PAK1: variants seen among roughly 807,000 people sequenced by gnomAD.
PAK1 encodes p21 (RAC1) activated kinase 1.
Under a neutral mutation model 67.4 loss-of-function variants are expected in PAK1, and 29 were observed. That is an observed-to-expected ratio of 0.43 (90% CI 0.32 to 0.59). The LOEUF (loss-of-function observed/expected upper bound fraction) is 0.59. Ranked by LOEUF, PAK1 falls within the 20% of genes least tolerant of loss-of-function variation. The probability of loss-of-function intolerance (pLI) is 0.07; values close to 1 mark genes in which losing one functional copy is unlikely to be tolerated. For synonymous variants in PAK1, 223 were observed against 237.4 expected (o/e 0.94, Z 0.56); for missense variants, 337 against 670.7 (o/e 0.50, Z 5.50).
At chr11:77,509,171 T>C in the PAK1 span, among the ~76,000 whole-genome samples, 6 of 151,480 alleles carry the variant, frequency 4.0e-5, no homozygotes, top group Admixed American at 6.6e-5. Flanking sequence ...GGCAGGAGAA[T>C]GGCGTGAACC....
At chr11:77,379,643 T>C (rs1658311841) in intron 3 of PAK1, among the ~76,000 whole-genome samples, 1 of 152,200 alleles carries the variant, frequency 6.6e-6, no homozygotes, top group Non-Finnish European at 1.5e-5. Flanking sequence ...TCCTGCATGA[T>C]CAGTGCCCCA....
At chr11:77,413,978 T>G (rs115611337) in intron 1 of PAK1, among the ~76,000 whole-genome samples, 1 of 152,288 alleles carries the variant, frequency 6.6e-6, no homozygotes, top group South Asian at 2.1e-4. Context: ...CATCCTCTTA[T>G]AGATGGTCTT....
intron 1 of PAK1, among the ~76,000 whole-genome samples, chr11:77,399,857 T>TAAA (rs1469766520): frequency 1.2e-3 from 1 of 848 alleles, no homozygotes; most frequent in Non-Finnish European, 0.042. Flanking sequence ...AGACTCCGTC[T>TAAA]CAAAAAAAAA....
chr11:77,407,680 T>A (rs1953814801), intron 1 of PAK1, among the ~76,000 whole-genome samples: 1 of 152,222 alleles, frequency 6.6e-6, no homozygotes, highest in Admixed American at 6.5e-5. Flanking sequence ...CGAAAATGCC[T>A]AGCCTAGCTG....
At chr11:77,467,175 G>A (rs761543767) in intron 1 of PAK1, among the ~76,000 whole-genome samples, 8 of 152,096 alleles carry the variant, frequency 5.3e-5, no homozygotes, top group Non-Finnish European at 5.9e-5. Context: ...CTCCCTGACT[G>A]TGCTTCGTTA....
intron 1 of PAK1, among the ~76,000 whole-genome samples, chr11:77,454,487 T>A (rs553996079): frequency 1.3e-5 from 2 of 152,290 alleles, no homozygotes; most frequent in South Asian, 4.1e-4. Context: ...CTACCCAGCA[T>A]CCATTCCCTT....
chr11:77,432,069 T>C (rs954537491), intron 1 of PAK1, among the ~76,000 whole-genome samples: 4 of 152,170 alleles, frequency 2.6e-5, no homozygotes, highest in Non-Finnish European at 4.4e-5. Flanking sequence ...CCCACAAGCT[T>C]AAACAGTTGG....
At chr11:77,424,439 T>C (rs1955445703) in intron 1 of PAK1, among the ~76,000 whole-genome samples, 1 of 152,160 alleles carries the variant, frequency 6.6e-6, no homozygotes, top group South Asian at 2.1e-4. Context: ...ACTCATAAAA[T>C]GGGGAACACA....
At chr11:77,326,800 G>T (rs1182428691) in intron 14 of PAK1, among the ~76,000 whole-genome samples, 1 of 152,164 alleles carries the variant, frequency 6.6e-6, no homozygotes, top group African/African-American at 2.4e-5. Context: ...TGACTCTGAC[G>T]AGTTGAAAGA....
chr11:77,481,247 C>T, the PAK1 span, among the ~76,000 whole-genome samples: 3 of 152,016 alleles, frequency 2.0e-5, no homozygotes, highest in East Asian at 5.8e-4. Context: ...GTTAATGATC[C>T]ATCAACTTAA....
chr11:77,429,056 T>TAAAAAAAAAAAAAAAAAAAAAAAAAAA lies in PAK1; in HGVS notation c.-21-36542_-21-36516dup, dbSNP rs566874549. On this transcript the variant is annotated intron_variant, in intron 1 of 14. Transcript: ENST00000356341. The stretch of plus-strand genomic sequence containing the variant: ...TTGGATTCTAAATGCCATTTAATAC[T>TAAAAAAAAAAAAAAAAAAAAAAAAAAA]AAAAAAAAAAAAAAAAAAAAAAAAA... Among the ~76,000 whole-genome samples the TAAAAAAAAAAAAAAAAAAAAAAAAAAA allele has an allele frequency of 2.7e-4, 13 of 48,992 alleles. 1 individual carries two copies. The highest frequency in any genetic ancestry group is 8.8e-4 in the Admixed American group (3 of 3,422). The allele number at this position is 48,992 out of a possible 152,430, so 32.1% of individuals were successfully genotyped here.
chr11:77,492,544 T>C, the PAK1 span, among the ~76,000 whole-genome samples: 2 of 146,842 alleles, frequency 1.4e-5, no homozygotes, highest in East Asian at 3.9e-4. Context: ...GGTGGGTCTT[T>C]TTTTTTTTTT....
At chr11:77,430,392 T>G (rs556153876) in intron 1 of PAK1, among the ~76,000 whole-genome samples, 19 of 152,346 alleles carry the variant, frequency 1.2e-4, no homozygotes, top group African/African-American at 4.6e-4. Flanking sequence ...AGAGTCCTTG[T>G]TCCCATTTTG....
chr11:77,490,071 C>G, the PAK1 span, among the ~76,000 whole-genome samples: 1 of 149,672 alleles, frequency 6.7e-6, no homozygotes, highest in Non-Finnish European at 1.5e-5. Context: ...CGCCCATCGT[C>G]TGAGATGTGG....
chr11:77,380,759 G>A (rs1038394641), intron 2 of PAK1, among the ~76,000 whole-genome samples: 1 of 152,274 alleles, frequency 6.6e-6, no homozygotes, highest in Admixed American at 6.5e-5. Flanking sequence ...ATTAATCACA[G>A]CTTCCCAGAG....
At chr11:77,470,501 T>A (rs577509175) in intron 1 of PAK1, among the ~76,000 whole-genome samples, 44 of 152,294 alleles carry the variant, frequency 2.9e-4, no homozygotes, top group African/African-American at 7.9e-4. Context: ...GAAGGACTCA[T>A]AATTTTATAG....
chr11:77,395,405 C>G (rs1951704009), intron 1 of PAK1, among the ~76,000 whole-genome samples: 1 of 152,102 alleles, frequency 6.6e-6, no homozygotes, highest in South Asian at 2.1e-4. Context: ...TTTAATTAAT[C>G]AAACTTTGCA....
At chr11:77,444,708 G>C (rs1956517100) in intron 1 of PAK1, among the ~76,000 whole-genome samples, 1 of 152,066 alleles carries the variant, frequency 6.6e-6, no homozygotes, top group South Asian at 2.1e-4. Context: ...AAAAAGAAAA[G>C]CTGCCCACAA....
intron 14 of PAK1, among the ~76,000 whole-genome samples, chr11:77,324,254 C>A (rs1335021467): frequency 6.8e-6 from 1 of 147,742 alleles, no homozygotes; most frequent in Non-Finnish European, 1.5e-5. Flanking sequence ...CTCACTGCAA[C>A]CTCCGCCTCC....
Sources: gnomAD v4.1 joint callset for allele counts (sites outside exome capture counted in the v4.1 genomes callset) on GRCh38, gnomAD v4.1.1 for gene constraint, MANE v1.5 for transcripts, NCBI Gene and HGNC (gene_info 2026-07-23, HGNC 2026-07-21) for gene names.